Variants in CGNL1 observed in about 807,000 individuals in gnomAD.
CGNL1 encodes cingulin like 1.
Under a neutral mutation model 141.2 loss-of-function variants are expected in CGNL1, and 132 were observed. The ratio of observed to expected loss-of-function variants is 0.93; its 90% confidence interval spans 0.81 to 1.08. The LOEUF is 1.08. CGNL1 is among the 50% of genes least tolerant of loss of function. CGNL1 has a pLI of 0.00. For missense variants in CGNL1, 1,870 were observed against 1,588.6 expected (o/e 1.18, Z -3.01); for synonymous variants, 690 against 622.1 (o/e 1.11, Z -1.63).
chr15:57,442,381 A>T lies in CGNL1; in HGVS notation c.1706A>T (p.Asp569Val). Reference protein sequence around the residue: ...LYNYLKEGSTDNDDATKRKVN... With the variant: ...LYNYLKEGSTVNDDATKRKVN... ...TGCTGTCCCTTTTTCAGAAGCACTG[A>T]TAATGACGATGCTACTAAAAGGAAA... Residue 569 changes from aspartate (D) to valine (V), a missense_variant, in exon 4 of 19, where the codon GAT (aspartate) becomes GTT (valine). Transcript: ENST00000281282. The T allele has an allele frequency of 6.2e-7, 1 of 1,608,532 alleles. No homozygotes were observed. Among genetic ancestry groups the T allele is most frequent in the Non-Finnish European group, 8.5e-7 (1 of 1,175,212 alleles).
chr15:57,467,569 A>G lies in CGNL1; in HGVS notation c.2403+5677A>G, dbSNP rs117613843. On this transcript the variant is annotated intron_variant, in intron 8 of 18. Transcript: ENST00000281282. ...TCCCAACTGAAACAAACTGACTGTA[A>G]AAAACAAAAATAGCTAAAATCATTG... Among the ~76,000 whole-genome samples the G allele has an allele frequency of 1.7e-3, 262 of 152,302 alleles. 8 individuals carry two copies. The East Asian group carries it at 0.02, about 12-fold the overall frequency.
At chr15:57,434,277 AT>A (rs2063078894) in intron 1 of CGNL1, among the ~76,000 whole-genome samples, 2 of 152,226 alleles carry the variant, frequency 1.3e-5, no homozygotes, top group African/African-American at 4.8e-5. Flanking sequence ...AAATACTGGA[AT>A]TTAAAAAATG....
At chr15:57,520,508 G>A (rs2031180422) in intron 10 of CGNL1, among the ~76,000 whole-genome samples, 1 of 152,204 alleles carries the variant, frequency 6.6e-6, no homozygotes, top group South Asian at 2.1e-4. Flanking sequence ...AAGTAGCAGA[G>A]GGGCATAAAG....
At chr15:57,386,588 G>C (rs568136919) in intron 1 of CGNL1, among the ~76,000 whole-genome samples, 4 of 152,272 alleles carry the variant, frequency 2.6e-5, no homozygotes, top group Non-Finnish European at 4.4e-5. Flanking sequence ...CCACTCACAG[G>C]CTGCTCTGTG....
rs772935742 is a variant in CGNL1, at chr15:57,453,828, G to T, written c.2190+10G>T. On this transcript the variant is annotated intron_variant, in intron 7 of 18. Coordinates refer to ENST00000281282, the MANE Select transcript of CGNL1 (RefSeq NM_032866.5). ...GGGAGCTCTGATTGAGGTAAGCAGG[G>T]CTGTGGGGTCAGGTGATAAGACAGG... is the stretch of plus-strand genomic sequence containing the variant. 14 of 1,612,628 alleles carry T rather than the reference G, an allele frequency of 8.7e-6. No individual in the cohort carries two copies. In the African/African-American group the frequency reaches 1.7e-4, roughly 20 times the overall value.
intron 1 of CGNL1, among the ~76,000 whole-genome samples, chr15:57,401,601 G>A (rs895160649): frequency 5.9e-5 from 9 of 152,200 alleles, no homozygotes; most frequent in African/African-American, 2.4e-5. Context: ...GAAGTGTTTA[G>A]TTGTCCTTGA....
intron 7 of CGNL1, among the ~76,000 whole-genome samples, chr15:57,456,880 C>A (rs2063385491): frequency 6.6e-6 from 1 of 152,190 alleles, no homozygotes. Context: ...GATACAGGTA[C>A]TTCAGTCTCA....
intron 1 of CGNL1, among the ~76,000 whole-genome samples, chr15:57,429,429 T>G (rs1344589933): frequency 6.6e-6 from 1 of 152,198 alleles, no homozygotes; most frequent in African/African-American, 2.4e-5. Flanking sequence ...GAAGCCAGAT[T>G]TGCGCTTAGA....
intron 1 of CGNL1, 32 bp from the exon 2 acceptor site, chr15:57,437,953 T>C: frequency 6.5e-7 from 1 of 1,545,466 alleles, no homozygotes; most frequent in Admixed American, 1.8e-5. Flanking sequence ...TCTAACCTAA[T>C]GTCCTCTTTT....
At chr15:57,449,902 T>C (rs1235876063) in intron 4 of CGNL1, among the ~76,000 whole-genome samples, 4 of 152,228 alleles carry the variant, frequency 2.6e-5, no homozygotes, top group African/African-American at 9.6e-5. Flanking sequence ...CATTTCATTT[T>C]AGTATTGAGT....
chr15:57,378,391 T>C (rs2062390122), intron 1 of CGNL1, among the ~76,000 whole-genome samples: 1 of 134,818 alleles, frequency 7.4e-6, no homozygotes, highest in Non-Finnish European at 1.6e-5. Context: ...TTTTTTTTTT[T>C]TTTTTTTGAG....
rs73419934 is a variant in CGNL1, at chr15:57,444,725, G to A, written c.1803+2247G>A. On this transcript the variant is annotated intron_variant, in intron 4 of 18. Coordinates refer to ENST00000281282, the MANE Select transcript of CGNL1 (RefSeq NM_032866.5). ...CACAGACAAATATAAAGAGGCATGG[G>A]TTGCCATGTTAGAGGGAATTTAGTG... Among the ~76,000 whole-genome samples, 1,238 of 152,294 alleles carry A rather than the reference G, an allele frequency of 8.1e-3. 19 individuals carry two copies. Among genetic ancestry groups the A allele is most frequent in the African/African-American group, 0.027 (1,125 of 41,558 alleles).
intron 8 of CGNL1, among the ~76,000 whole-genome samples, chr15:57,482,224 A>G (rs1380657222): frequency 6.6e-6 from 1 of 152,142 alleles, no homozygotes; most frequent in African/African-American, 2.4e-5. Flanking sequence ...CTAGTAAAAC[A>G]AAACAAAACA....
chr15:57,464,978 C>G (rs1356813584), intron 8 of CGNL1, among the ~76,000 whole-genome samples: 1 of 152,048 alleles, frequency 6.6e-6, no homozygotes, highest in Non-Finnish European at 1.5e-5. Flanking sequence ...TCTCGAACAC[C>G]TGGCCTCAAG....
chr15:57,405,797 T>C (rs1302674013), intron 1 of CGNL1, among the ~76,000 whole-genome samples: 1 of 129,108 alleles, frequency 7.7e-6, no homozygotes, highest in East Asian at 2.2e-4. Flanking sequence ...TTTCTTTCTT[T>C]CTTTCTTTCT....
At chr15:57,526,882 G>A (rs1315694875) in intron 12 of CGNL1, among the ~76,000 whole-genome samples, 1 of 152,088 alleles carries the variant, frequency 6.6e-6, no homozygotes, top group Non-Finnish European at 1.5e-5. Flanking sequence ...CTGGGCATTG[G>A]GAAGGGGGAC....
At chr15:57,380,523 G>A (rs1005682160) in intron 1 of CGNL1, among the ~76,000 whole-genome samples, 8 of 152,122 alleles carry the variant, frequency 5.3e-5, no homozygotes, top group Non-Finnish European at 8.8e-5. Flanking sequence ...GGCTAGCCTC[G>A]CCTGGGTAGA....
At position 57,523,583 on chromosome 15, in the gene CGNL1, A is replaced by G; in HGVS notation, c.2810A>G (p.Asn937Ser). The G allele has an allele frequency of 6.2e-7, 1 of 1,614,198 alleles. No individual in the cohort carries two copies. The highest frequency in any genetic ancestry group is 8.5e-7 in the Non-Finnish European group (1 of 1,180,028). The change falls in exon 11 of 19, where the codon AAC (asparagine) becomes AGC (serine). Residue 937 changes from asparagine to serine, a missense_variant. By Grantham distance (46) the Asn-to-Ser change is conservative (BLOSUM62 1). Coordinates refer to ENST00000281282, the MANE Select transcript of CGNL1 (RefSeq NM_032866.5). ...AAGGAGCAGCTAAGAAGGTTGAAGA[A>G]CGAGATGGAGAATGAGCGGTGGCAC... ...EQKEQLRRLKNEMENERWHLG... is the reference protein window; with the variant it reads ...EQKEQLRRLKSEMENERWHLG...
At chr15:57,507,848 A>G (rs561159134) in intron 8 of CGNL1, among the ~76,000 whole-genome samples, 2 of 152,342 alleles carry the variant, frequency 1.3e-5, no homozygotes, top group East Asian at 3.9e-4. Flanking sequence ...GACTTCTTCA[A>G]GTTCATTCTA....
Sources: allele counts gnomAD v4.1 joint callset (sites outside exome capture counted in the v4.1 genomes callset), GRCh38; gene constraint gnomAD v4.1.1; transcripts MANE v1.5; gene names NCBI Gene and HGNC (gene_info 2026-07-23, HGNC 2026-07-21).